Variants in EBF1 observed in about 807,000 individuals in gnomAD.
EBF1 encodes the protein transcription factor COE1.
Under a neutral mutation model 68.4 loss-of-function variants are expected in EBF1, and 10 were observed. That is an observed-to-expected ratio of 0.15 (90% CI 0.09 to 0.25). EBF1 has a LOEUF of 0.25. Among genes scored for constraint, EBF1 ranks in the 10% least tolerant of loss-of-function variants. EBF1 has a pLI of 1.00. For missense variants in EBF1, 509 were observed against 794.4 expected (o/e 0.64, Z 4.32); for synonymous variants, 298 against 299.8 (o/e 0.99, Z 0.06).
At position 158,948,664 on chromosome 5, in the gene EBF1, C is replaced by A. The variant is rs146648950; in HGVS notation, c.555-108554G>T. 4.5e-3 allele frequency among the ~76,000 whole-genome samples: 690 copies of A among 152,328 alleles called. 4 individuals are homozygous for A. Among genetic ancestry groups the A allele is most frequent in the African/African-American group, 0.015 (636 of 41,582 alleles). ...AATTAAAGCCTGAGAAGAGGCCGGT[C>A]TGCGCTCTCCCAGAGCCAAATGAAC... On this transcript the variant is annotated intron_variant, in intron 6 of 15. Transcript: ENST00000313708.
chr5:158,861,766 G>C (rs1795000739), intron 6 of EBF1, among the ~76,000 whole-genome samples: 1 of 151,754 alleles, frequency 6.6e-6, no homozygotes, highest in Non-Finnish European at 1.5e-5. Flanking sequence ...CTTACATAGA[G>C]ACACCTCTTT....
intron 10 of EBF1, among the ~76,000 whole-genome samples, chr5:158,742,615 C>T (rs909322711): frequency 6.6e-6 from 1 of 152,184 alleles, no homozygotes; most frequent in African/African-American, 2.4e-5. Context: ...AAGACACAAA[C>T]AGAATTCTAA....
intron 10 of EBF1, among the ~76,000 whole-genome samples, chr5:158,738,751 A>G (rs183498924): frequency 8.3e-4 from 126 of 152,316 alleles, no homozygotes; most frequent in Admixed American, 8.5e-4. Flanking sequence ...GTAGTCCTTT[A>G]TTATTCCAAG....
At chr5:158,732,021 T>C (rs1320262427) in intron 10 of EBF1, among the ~76,000 whole-genome samples, 1 of 152,222 alleles carries the variant, frequency 6.6e-6, no homozygotes, top group Non-Finnish European at 1.5e-5. Flanking sequence ...ATCTTCAGGC[T>C]GTCTCACGTG....
intron 6 of EBF1, among the ~76,000 whole-genome samples, chr5:158,899,262 A>T (rs1802790389): frequency 6.6e-6 from 1 of 152,244 alleles, no homozygotes. Flanking sequence ...AAAACAGGCC[A>T]TGGCTAAAAC....
At chr5:158,982,944 GTTACC>G (rs1468926813) in intron 6 of EBF1, 1 of 152,058 alleles carries the variant, frequency 6.6e-6, no homozygotes, top group Non-Finnish European at 1.5e-5. Context: ...GAACTGCTTT[GTTACC>G]TCATAGGGCA....
chr5:159,087,303 TAC>T (rs1440690143), intron 4 of EBF1, among the ~76,000 whole-genome samples: 11 of 139,376 alleles, frequency 7.9e-5, no homozygotes, highest in East Asian at 2.1e-4. Flanking sequence ...CATATATATA[TAC>T]ACACACACAT....
At chr5:158,922,266 A>C (rs1808595613) in intron 6 of EBF1, among the ~76,000 whole-genome samples, 1 of 152,186 alleles carries the variant, frequency 6.6e-6, no homozygotes, top group Non-Finnish European at 1.5e-5. Flanking sequence ...TCTCCCCAAA[A>C]GCAACTTTCT....
At chr5:158,718,441 C>A (rs1455518412) in intron 11 of EBF1, among the ~76,000 whole-genome samples, 1 of 152,172 alleles carries the variant, frequency 6.6e-6, no homozygotes, top group East Asian at 1.9e-4. Flanking sequence ...TGGCTTCAAT[C>A]TGTGCCCATG....
At chr5:158,838,535 T>C (rs1789400164) in intron 7 of EBF1, among the ~76,000 whole-genome samples, 1 of 152,186 alleles carries the variant, frequency 6.6e-6, no homozygotes, top group Non-Finnish European at 1.5e-5. Context: ...AAGATGATTT[T>C]AGAGAAATAC....
At chr5:159,013,719 CA>C (rs1440095440) in intron 6 of EBF1, among the ~76,000 whole-genome samples, 1 of 152,160 alleles carries the variant, frequency 6.6e-6, no homozygotes. Context: ...TTAACACCCC[CA>C]CCCATCCCTA....
intron 6 of EBF1, among the ~76,000 whole-genome samples, chr5:158,972,901 G>A (rs922497983): frequency 6.6e-6 from 1 of 152,288 alleles, no homozygotes; most frequent in Non-Finnish European, 1.5e-5. Flanking sequence ...CCCTGTGTTT[G>A]CTTCCCCTAG....
intron 6 of EBF1, among the ~76,000 whole-genome samples, chr5:159,030,614 G>A (rs1768594872): frequency 6.6e-6 from 1 of 152,188 alleles, no homozygotes; most frequent in African/African-American, 2.4e-5. Context: ...CCTGCAGAAG[G>A]AGCAAGGGGA....
intron 8 of EBF1, among the ~76,000 whole-genome samples, chr5:158,810,826 T>C (rs193113063): frequency 2.6e-5 from 4 of 152,312 alleles, no homozygotes; most frequent in African/African-American, 9.6e-5. Flanking sequence ...CTTTTGTGTT[T>C]CGCTTTTCTT....
At chr5:158,884,486 C>A (rs775634827) in intron 6 of EBF1, among the ~76,000 whole-genome samples, 1 of 152,068 alleles carries the variant, frequency 6.6e-6, no homozygotes, top group African/African-American at 2.4e-5. Flanking sequence ...TGCCAAGCAC[C>A]ATGCTCACTG....
Position 158,911,984 on chromosome 5 carries a change from GCT to G in EBF1, c.555-71876_555-71875del, listed in dbSNP as rs201815312. ...CATGTGCTTTCACAGACAAGAAACT[GCT>G]CTCTCTTCCATTTCTCCAAGTTCAT... On this transcript the variant is annotated intron_variant, in intron 6 of 15. Coordinates refer to ENST00000313708, the MANE Select transcript of EBF1 (RefSeq NM_024007.5). 6.3e-3 allele frequency among the ~76,000 whole-genome samples: 956 copies of G among 152,278 alleles called. 15 individuals carry two copies. Among genetic ancestry groups the G allele is most frequent in the African/African-American group, 0.021 (875 of 41,532 alleles).
chr5:158,788,039 T>TGAAC (rs3031062), intron 9 of EBF1, among the ~76,000 whole-genome samples: 1 of 152,076 alleles, frequency 6.6e-6, no homozygotes, highest in East Asian at 1.9e-4. Context: ...AATGAATGAA[T>TGAAC]GAAAGGGGAA....
chr5:158,992,493 T>C (rs541674920), intron 6 of EBF1, among the ~76,000 whole-genome samples: 2 of 152,216 alleles, frequency 1.3e-5, no homozygotes, highest in Non-Finnish European at 2.9e-5. Flanking sequence ...CAAGTCTTTC[T>C]TAATGGAAAC....
At chr5:158,860,483 A>C (rs1044696913) in intron 6 of EBF1, among the ~76,000 whole-genome samples, 2 of 152,140 alleles carry the variant, frequency 1.3e-5, no homozygotes, top group Non-Finnish European at 2.9e-5. Context: ...AAGTGACCCC[A>C]CTCAGAGTGT....
Sources: allele counts gnomAD v4.1 joint callset (sites outside exome capture counted in the v4.1 genomes callset), GRCh38; gene constraint gnomAD v4.1.1; transcripts MANE v1.5; gene names NCBI Gene and HGNC (gene_info 2026-07-23, HGNC 2026-07-21).